ACE: variants seen among roughly 807,000 people sequenced by gnomAD.
ACE encodes the protein angiotensin I converting enzyme.
ACE carries 122 observed loss-of-function variants against 162.3 expected under a neutral mutation model. The observed-to-expected ratio is 0.75, with a 90% CI of 0.65 to 0.87. The LOEUF is 0.87. Ranked by LOEUF, ACE falls within the 40% of genes least tolerant of loss-of-function variation. The pLI is 0.00. For synonymous variants in ACE, 796 were observed against 720.6 expected (o/e 1.10, Z -1.68); for missense variants, 1,799 against 1,735.1 (o/e 1.04, Z -0.65).
chr17:63,483,730 T>C, intron 10 of ACE, 119 bp from the exon 11 acceptor site: 1 of 1,555,682 alleles, frequency 6.4e-7, no homozygotes, highest in South Asian at 1.1e-5. Flanking sequence ...GTCTCCCTTC[T>C]CCCCCAAGAT....
Position 63,483,568 on chromosome 17 carries a change from C to CGGGGGGCCG in ACE, c.1586+10_1586+11insGGGGGGCCG. ...TGACACCATACATCAGGTATTAGCG[C>CGGGGGGCCG]CCCCACCCCACCCACCCCCAGTACT... On this transcript the variant is annotated intron_variant, in intron 10 of 24. Transcript: ENST00000290866. 1 of 1,585,842 alleles carries CGGGGGGCCG rather than the reference C, an allele frequency of 6.3e-7. No homozygotes were observed. Among genetic ancestry groups the CGGGGGGCCG allele is most frequent in the Non-Finnish European group, 8.6e-7 (1 of 1,159,948 alleles).
intron 13 of ACE, 140 bp from the exon 14 acceptor site, chr17:63,486,417 G>C (rs757367005): frequency 1.1e-6 from 1 of 898,376 alleles, no homozygotes; most frequent in East Asian, 2.6e-5. Context: ...CTTGCAGAGA[G>C]TCTTATAGGC....
intron 13 of ACE, 46 bp downstream of exon 13, chr17:63,485,418 A>G (rs756261100): frequency 1.9e-6 from 3 of 1,610,656 alleles, no homozygotes; most frequent in Non-Finnish European, 2.5e-6. Flanking sequence ...GTGCATACAC[A>G]CAGAGATGCT....
chr17:63,482,095 G>A (rs577650575), intron 7 of ACE, among the ~76,000 whole-genome samples: 16 of 152,172 alleles, frequency 1.1e-4, no homozygotes, highest in South Asian at 2.1e-4. Context: ...CCAGGAGTTC[G>A]AGACCAGCCT....
At position 63,491,403 on chromosome 17, in the gene ACE, G is replaced by A; in HGVS notation, c.2912+22G>A. On this transcript the variant is annotated intron_variant, in intron 19 of 24. Coordinates refer to ENST00000290866, the MANE Select transcript of ACE (RefSeq NM_000789.4). The surrounding 1 kb of genome is among the most constrained non-coding windows in gnomAD (Gnocchi z 4.4). ...TCCGGTACATCCAGCTAGGGCTCAG[G>A]TCTCGTTCCTGAGCCCCACGGGCAA... 6.2e-7 allele frequency: 1 copy of A among 1,613,962 alleles called. No homozygotes were observed. The highest frequency in any genetic ancestry group is 8.5e-7 in the Non-Finnish European group (1 of 1,180,018).
intron 2 of ACE, chr17:63,478,532 G>C (rs995394092): frequency 6.4e-6 from 2 of 314,632 alleles, no homozygotes; most frequent in South Asian, 3.0e-5. Flanking sequence ...TTGGTGGTGC[G>C]TGCACCTACA....
In ACE at chr17:63,480,488, A is replaced by G. The variant is rs1409765102; in HGVS notation, c.807A>G (p.Arg269=). 5.0e-6 allele frequency: 8 copies of G among 1,613,856 alleles called. No individual in the cohort carries two copies. The South Asian group carries it at 7.7e-5, about 16-fold the overall frequency. The change falls in exon 5 of 25, where the codon AGA becomes AGG. Residue 269 remains arginine (R), a synonymous_variant. Transcript: ENST00000290866. ...CACTGCATCGCCGATACGGAGACAG[A>G]TACATCAACCTCAGGGGACCCATCC... ...RRALHRRYGD[R]YINLRGPIPA...
rs2049629009 is a variant in ACE at position 63,477,146 on chromosome 17, CTGCTGT to C, written c.58_63del (p.Leu21_Leu22del). 1 of 1,442,370 alleles carries C rather than the reference CTGCTGT, an allele frequency of 6.9e-7. No individual in the cohort carries two copies. 89.3% of individuals were successfully genotyped at this position (1,442,370 alleles called of 1,614,324 possible). A position where few individuals can be genotyped will look rare whatever the true frequency, so the allele number is the denominator to read the frequency against. On this transcript the variant is annotated inframe_deletion, in exon 1 of 25. Coordinates refer to ENST00000290866, the MANE Select transcript of ACE (RefSeq NM_000789.4). The stretch of plus-strand genomic sequence containing the variant: ...GCCGGGGCTGCTGCTGCCGCTGCCG[CTGCTGT>C]TGCTGCTGCCGCCGCAGCCCGCCCT...
chr17:63,493,280 G>T (rs2030500098), intron 19 of ACE, among the ~76,000 whole-genome samples, 156 bp from the exon 20 acceptor site: 1 of 152,186 alleles, frequency 6.6e-6, no homozygotes, highest in African/African-American at 2.4e-5. Flanking sequence ...CGCACACTCA[G>T]TGGTTGCCCT....
chr17:63,491,131 C>A lies in ACE; in HGVS notation c.2740-78C>A. Reference sequence around the variant, plus strand: ...ATTCAGGAGTTCCCTCCAGTTTAGCCCTCCCCCGGGATCCCCACGGCAGCA... The same window carrying A: ...ATTCAGGAGTTCCCTCCAGTTTAGCACTCCCCCGGGATCCCCACGGCAGCA... On this transcript the variant is annotated intron_variant, in intron 18 of 24. Coordinates refer to ENST00000290866, the MANE Select transcript of ACE (RefSeq NM_000789.4). The surrounding 1 kb of genome is among the most constrained non-coding windows in gnomAD (Gnocchi z 4.4). 1 of 1,610,636 alleles carries A rather than the reference C, an allele frequency of 6.2e-7. No individual in the cohort carries two copies. The highest frequency in any genetic ancestry group is 8.5e-7 in the Non-Finnish European group (1 of 1,177,994).
rs757694144 is a variant in ACE, at chr17:63,483,131, G to C, written c.1445G>C (p.Arg482Pro). The C allele has an allele frequency of 5.0e-5, 80 of 1,613,892 alleles. No individual in the cohort carries two copies. The highest frequency in any genetic ancestry group is 6.5e-5 in the Non-Finnish European group (77 of 1,180,000). The change falls in exon 9 of 25, where the codon CGT (arginine) becomes CCT (proline). Residue 482 changes from arginine to proline, a missense_variant. Coordinates refer to ENST00000290866, the MANE Select transcript of ACE (RefSeq NM_000789.4). Reference sequence around the variant, plus strand: ...TGGCGCTGGGGGGTCTTTAGTGGGCGTACCCCCCCTTCCCGCTACAACTTC... The same window carrying C: ...TGGCGCTGGGGGGTCTTTAGTGGGCCTACCCCCCCTTCCCGCTACAACTTC... ...DQWRWGVFSGRTPPSRYNFDW... is the reference protein window; with the variant it reads ...DQWRWGVFSGPTPPSRYNFDW...
intron 2 of ACE, 50 bp downstream of exon 2, chr17:63,478,148 T>A: frequency 6.5e-7 from 1 of 1,547,298 alleles, no homozygotes. Context: ...TAGTGCCCCA[T>A]CGTGGGGGTC....
At chr17:63,496,635 C>T in intron 23 of ACE, 119 bp downstream of exon 23, 1 of 1,594,422 alleles carries the variant, frequency 6.3e-7, no homozygotes, top group Non-Finnish European at 8.6e-7. Flanking sequence ...GGAACTCCCA[C>T]CTGCAGCGTG....
chr17:63,482,739 C>A, intron 8 of ACE, 50 bp downstream of exon 8: 1 of 1,564,986 alleles, frequency 6.4e-7, no homozygotes, highest in Non-Finnish European at 8.8e-7. Flanking sequence ...AACCCCGCTC[C>A]ACCCCACAGC....
At chr17:63,496,655 T>G in intron 23 of ACE, 139 bp downstream of exon 23, 1 of 1,578,702 alleles carries the variant, frequency 6.3e-7, no homozygotes, top group East Asian at 2.3e-5. Flanking sequence ...GGGCCAGGCC[T>G]GATTGCCATC....
In ACE at chr17:63,482,687, C is replaced by T. The variant is rs746314800; in HGVS notation, c.1340C>T (p.Thr447Met). ...CTGCTGGACCGTGTCACCAATGACA[C>T]GGGTATGGGAGGGCTGAGAGGCCCC... ...IGLLDRVTND[T>M]ESDINYLLKM... Residue 447 changes from threonine (T) to methionine (M), a missense_variant and splice_region_variant, in exon 8 of 25, where the codon ACG (threonine) becomes ATG (methionine). Physicochemically the swap from Thr to Met is moderately conservative, Grantham distance 81. Coordinates refer to ENST00000290866, the MANE Select transcript of ACE (RefSeq NM_000789.4). The T allele has an allele frequency of 3.3e-5, 54 of 1,613,494 alleles. No homozygotes were observed. Among genetic ancestry groups the T allele is most frequent in the Middle Eastern group, 1.6e-4 (1 of 6,082 alleles).
rs576965886 is a variant in ACE at position 63,491,109 on chromosome 17, C to T, written c.2739+58C>T. On this transcript the variant is annotated intron_variant, in intron 18 of 24. Coordinates refer to ENST00000290866, the MANE Select transcript of ACE (RefSeq NM_000789.4). This position sits in a 1 kb window ranked among gnomAD's most constrained non-coding sequence, Gnocchi z 4.4. ...CCGGGATGGGAGGGACCCTCTGATT[C>T]AGGAGTTCCCTCCAGTTTAGCCCTC... is the stretch of plus-strand genomic sequence containing the variant. The T allele has an allele frequency of 7.4e-6, 12 of 1,610,790 alleles. 1 individual carries two copies. Among genetic ancestry groups the T allele is most frequent in the South Asian group, 3.3e-5 (3 of 90,986 alleles).
chr17:63,488,360 GAAAAA>G (rs561946751), intron 15 of ACE, among the ~76,000 whole-genome samples: 7 of 98,438 alleles, frequency 7.1e-5, no homozygotes, highest in East Asian at 2.9e-4. Flanking sequence ...CCCTGTCTCA[GAAAAA>G]AAAAAAAAAA....
In ACE at chr17:63,491,400, C is replaced by G. The variant is rs759876928; in HGVS notation, c.2912+19C>G. On this transcript the variant is annotated intron_variant, in intron 19 of 24. Coordinates refer to ENST00000290866, the MANE Select transcript of ACE (RefSeq NM_000789.4). The surrounding 1 kb of genome is among the most constrained non-coding windows in gnomAD (Gnocchi z 4.4). ...ACTTCCGGTACATCCAGCTAGGGCTCAGGTCTCGTTCCTGAGCCCCACGGG... is the reference window on the plus strand; with the variant it reads ...ACTTCCGGTACATCCAGCTAGGGCTGAGGTCTCGTTCCTGAGCCCCACGGG... 6 of 1,613,840 alleles carry G rather than the reference C, an allele frequency of 3.7e-6. No homozygotes were observed. The African/African-American group carries it at 6.7e-5, about 18-fold the overall frequency.
Sources: allele counts gnomAD v4.1 joint callset (sites outside exome capture counted in the v4.1 genomes callset), GRCh38; gene constraint gnomAD v4.1.1; non-coding constraint Gnocchi (gnomAD v3.1); transcripts MANE v1.5; gene names NCBI Gene and HGNC (gene_info 2026-07-23, HGNC 2026-07-21).